The following SNX31 variants were observed in gnomAD, a reference collection of about 807,000 sequenced individuals.
SNX31 encodes sorting nexin 31.
Under a neutral mutation model 65.4 loss-of-function variants are expected in SNX31, and 58 were observed. The ratio of observed to expected loss-of-function variants is 0.89; its 90% CI spans 0.72 to 1.10. SNX31 has a LOEUF of 1.10. Among genes scored for constraint, SNX31 ranks in the 50% least tolerant of loss-of-function variants. The pLI, the probability that SNX31 is intolerant of heterozygous loss-of-function variation, is 0.00. For synonymous variants in SNX31, 181 were observed against 190.1 expected, an observed-to-expected ratio of 0.95 and a Z score of 0.39; for missense variants, 523 against 529.7, an observed-to-expected ratio of 0.99 and a Z score of 0.12.
chr8:100,649,134 A>G, intron 2 of SNX31, 140 bp downstream of exon 2: 5 of 744,652 alleles, frequency 6.7e-6, no homozygotes, highest in South Asian at 1.7e-5. Context: ...CATCCTTACC[A>G]GGACCCTGTT....
At chr8:100,644,528 A>C (rs1451523814) in intron 2 of SNX31, among the ~76,000 whole-genome samples, 1 of 152,254 alleles carries the variant, frequency 6.6e-6, no homozygotes, top group East Asian at 1.9e-4. Flanking sequence ...AGCACTGAGC[A>C]GCAGAGGGTC....
intron 3 of SNX31, among the ~76,000 whole-genome samples, chr8:100,633,132 T>C (rs1415025619): frequency 6.6e-6 from 1 of 151,872 alleles, no homozygotes; most frequent in Non-Finnish European, 1.5e-5. Context: ...TCTTGTTATA[T>C]TGCCCAGGCT....
chr8:100,581,313 ATATATCTATATCTATCTATCTATC>A (rs1404458690), intron 12 of SNX31, among the ~76,000 whole-genome samples: 6 of 124,680 alleles, frequency 4.8e-5, no homozygotes, highest in African/African-American at 2.6e-4. Flanking sequence ...AAAATTTTTT[ATATATCTATATCTATCTATCTATC>A]TATATATATA....
At chr8:100,586,852 G>T (rs974388517) in intron 11 of SNX31, among the ~76,000 whole-genome samples, 1 of 152,142 alleles carries the variant, frequency 6.6e-6, no homozygotes, top group African/African-American at 2.4e-5. Flanking sequence ...GATGCAAAGA[G>T]TACTTTACTA....
rs374499209 is a variant in SNX31 at position 100,661,554 on chromosome 8, T to A, written c.-58+1588A>T. Among the ~76,000 whole-genome samples the A allele has an allele frequency of 2.8e-4, 43 of 152,092 alleles. No homozygotes were observed. In the East Asian group the frequency reaches 8.1e-3, roughly 29 times the overall value. On this transcript the variant is annotated intron_variant, in intron 1 of 5. Transcript: ENST00000520352. ...ATAATGATAGCTAATATATATATAT[T>A]TTAATCTAGATAGGGTCTCACTCTG...
At position 100,588,734 on chromosome 8, in the gene SNX31, T is replaced by A; in HGVS notation, c.1092+132A>T. 1 of 532,934 alleles carries A rather than the reference T, an allele frequency of 1.9e-6. No individual in the cohort carries two copies. Among genetic ancestry groups the A allele is most frequent in the Non-Finnish European group, 3.4e-6 (1 of 298,404 alleles). 33.0% of individuals were successfully genotyped at this position (532,934 alleles called of 1,614,324 possible). A position where few individuals can be genotyped will look rare whatever the true frequency, so the allele number is the denominator to read the frequency against. ...TAAAACAAAATAAAAGGTATTACGG[T>A]CCCGAACGAGAGTGCATAGAACACT... On this transcript the variant is annotated intron_variant, in intron 11 of 13. Transcript: ENST00000311812. This position sits in a 1 kb window ranked among gnomAD's most constrained non-coding sequence, Gnocchi z 4.8.
intron 8 of SNX31, among the ~76,000 whole-genome samples, chr8:100,603,554 G>A (rs1057501282): frequency 1.3e-4 from 19 of 151,154 alleles, no homozygotes; most frequent in African/African-American, 4.4e-4. Context: ...TCCTGTTTCA[G>A]CCTCCCAAGT....
chr8:100,576,697 A>G lies in SNX31; in HGVS notation c.1227+322T>C, dbSNP rs1357983419. 6.6e-6 allele frequency among the ~76,000 whole-genome samples: 1 copy of G among 152,194 alleles called. No homozygotes were observed. Among genetic ancestry groups the G allele is most frequent in the African/African-American group, 2.4e-5 (1 of 41,448 alleles). ...TACTGCAGAAAACTATGAGACCAAAATATACTAGATATGTAACATATACAA... is the reference window on the plus strand; with the variant it reads ...TACTGCAGAAAACTATGAGACCAAAGTATACTAGATATGTAACATATACAA... On this transcript the variant is annotated intron_variant, in intron 13 of 13. Coordinates refer to ENST00000311812, the MANE Select transcript of SNX31 (RefSeq NM_152628.4). This position sits in a 1 kb window ranked among gnomAD's most constrained non-coding sequence, Gnocchi z 4.8.
intron 8 of SNX31, among the ~76,000 whole-genome samples, chr8:100,602,266 G>T (rs891264237): frequency 3.3e-5 from 5 of 152,218 alleles, no homozygotes; most frequent in African/African-American, 1.2e-4. Context: ...TCCCAGAGAA[G>T]AATGAAAAGC....
chr8:100,627,354 A>AAAAC (rs1000354033), intron 4 of SNX31, among the ~76,000 whole-genome samples: 67 of 152,266 alleles, frequency 4.4e-4, no homozygotes, highest in Admixed American at 1.7e-3. Flanking sequence ...CTCCATCTCA[A>AAAAC]AAACAAACAA....
Position 100,607,368 on chromosome 8 carries a change from G to A in SNX31, c.681+1126C>T, listed in dbSNP as rs1041690139. ...GGGTGTGTATGTTGGCGGCAGCACC[G>A]GCTGACCATTCCATGACTTGGCCGA... is the stretch of plus-strand genomic sequence containing the variant. On this transcript the variant is annotated intron_variant, in intron 8 of 13. Transcript: ENST00000311812. Among the ~76,000 whole-genome samples, 18 of 152,220 alleles carry A rather than the reference G, an allele frequency of 1.2e-4. 1 individual carries two copies. Among genetic ancestry groups the A allele is most frequent in the African/African-American group, 3.6e-4 (15 of 41,454 alleles).
At chr8:100,641,767 G>T (rs563563361) in intron 2 of SNX31, among the ~76,000 whole-genome samples, 1 of 146,094 alleles carries the variant, frequency 6.8e-6, no homozygotes, top group Non-Finnish European at 1.5e-5. Context: ...CCAGGCTAGA[G>T]TACGATTAAA....
In SNX31 at chr8:100,608,502, A is replaced by G. The variant is rs1263303877; in HGVS notation, c.673T>C (p.Tyr225His). The G allele has an allele frequency of 6.2e-7, 1 of 1,614,024 alleles. No individual in the cohort carries two copies. The highest frequency in any genetic ancestry group is 1.1e-5 in the South Asian group (1 of 91,068). The change falls in exon 8 of 14, where the codon TAC (tyrosine) becomes CAC (histidine). Residue 225 changes from tyrosine (Y) to histidine (H), a missense_variant. Coordinates refer to ENST00000311812, the MANE Select transcript of SNX31 (RefSeq NM_152628.4). Reference protein sequence around the residue: ...MDCRVAVDLLYMQAIQDIEKG... With the variant: ...MDCRVAVDLLHMQAIQDIEKG... ...CTCTTGGTGACCCTCACCTGCATGT[A>G]GAGCAAATCTACCGCCACCCTGCAG...
At chr8:100,651,188 C>T (rs1201856204), upstream of SNX31, among the ~76,000 whole-genome samples, 1 of 152,220 alleles carries the variant, frequency 6.6e-6, no homozygotes, top group Admixed American at 6.5e-5. Flanking sequence ...ATGTTAATAA[C>T]TCTACTTACT....
chr8:100,621,658 G>A (rs1449324413), intron 4 of SNX31, among the ~76,000 whole-genome samples: 1 of 152,130 alleles, frequency 6.6e-6, no homozygotes, highest in East Asian at 1.9e-4. Flanking sequence ...CTACCAAGTG[G>A]TCCTCACACA....
intron 4 of SNX31, among the ~76,000 whole-genome samples, chr8:100,627,741 T>C (rs1818140101): frequency 6.6e-6 from 1 of 152,074 alleles, no homozygotes; most frequent in Non-Finnish European, 1.5e-5. Context: ...TTCACCACAT[T>C]GGCCAGGCTG....
At chr8:100,600,197 C>G in intron 9 of SNX31, 152 bp downstream of exon 9, 1 of 644,956 alleles carries the variant, frequency 1.6e-6, no homozygotes, top group Non-Finnish European at 2.7e-6. Flanking sequence ...TAATTCTGTA[C>G]TCAGAACAAT....
chr8:100,600,550 T>C, intron 8 of SNX31, 109 bp from the exon 9 acceptor site: 3 of 779,334 alleles, frequency 3.8e-6, no homozygotes, highest in East Asian at 5.4e-5. Context: ...AGTGGATATA[T>C]ATTTAGGGAT....
In SNX31 at chr8:100,609,253, C is replaced by T. The variant is rs761101311; in HGVS notation, c.612-690G>A. On this transcript the variant is annotated intron_variant, in intron 7 of 13. Coordinates refer to ENST00000311812, the MANE Select transcript of SNX31 (RefSeq NM_152628.4). This position sits in a 1 kb window ranked among gnomAD's most constrained non-coding sequence, Gnocchi z 4.9. ...AGACCAAGGCCCTCACCAGTCTCCT[C>T]CCCTGACTGATTGGCCTTTCTTTGC... Among the ~76,000 whole-genome samples the T allele has an allele frequency of 2.0e-5, 3 of 152,190 alleles. No individual in the cohort carries two copies. The highest frequency in any genetic ancestry group is 2.9e-5 in the Non-Finnish European group (2 of 68,038).
Sources: allele counts gnomAD v4.1 joint callset (sites outside exome capture counted in the v4.1 genomes callset), GRCh38; gene constraint gnomAD v4.1.1; non-coding constraint Gnocchi (gnomAD v3.1); transcripts MANE v1.5; gene names NCBI Gene and HGNC (gene_info 2026-07-23, HGNC 2026-07-21).